Variants in PTPRT observed in about 807,000 individuals in gnomAD.
The protein encoded by PTPRT is protein tyrosine phosphatase receptor type T.
Under a neutral mutation model 176.8 loss-of-function variants are expected in PTPRT, and 56 were observed. That is an observed-to-expected ratio of 0.32 (90% CI 0.26 to 0.40). PTPRT has a LOEUF of 0.40. Among genes scored for constraint, PTPRT ranks in the 10% least tolerant of loss-of-function variants. The pLI is 1.00. For synonymous variants in PTPRT, 783 were observed against 739.0 expected, an observed-to-expected ratio of 1.06 and a Z score of -0.96; for missense variants, 1,540 against 1,908.2, an observed-to-expected ratio of 0.81 and a Z score of 3.60.
chr20:42,199,526 G>GGCAA, intron 15 of PTPRT, 138 bp from the exon 16 acceptor site: 1 of 992,668 alleles, frequency 1.0e-6, no homozygotes, highest in African/African-American at 1.6e-5. Flanking sequence ...AATCAAGGCA[G>GGCAA]AACAAACCAT....
intron 2 of PTPRT, among the ~76,000 whole-genome samples, chr20:42,872,713 G>A (rs1174254328): frequency 6.6e-6 from 1 of 152,198 alleles, no homozygotes; most frequent in African/African-American, 2.4e-5. Flanking sequence ...TATTACAATG[G>A]TCAATAAGGT....
intron 9 of PTPRT, among the ~76,000 whole-genome samples, chr20:42,420,654 A>T (rs901983284): frequency 6.6e-6 from 1 of 152,182 alleles, no homozygotes; most frequent in Non-Finnish European, 1.5e-5. Flanking sequence ...CCACTGATGT[A>T]GTCCTCACAG....
intron 6 of PTPRT, among the ~76,000 whole-genome samples, chr20:42,736,598 A>G (rs1410376974): frequency 6.6e-6 from 1 of 152,222 alleles, no homozygotes; most frequent in Admixed American, 6.5e-5. Context: ...GTCACCTTGG[A>G]TAACAAGGGT....
At chr20:43,004,138 T>C (rs1172782038) in intron 1 of PTPRT, among the ~76,000 whole-genome samples, 1 of 149,580 alleles carries the variant, frequency 6.7e-6, no homozygotes, top group Non-Finnish European at 1.5e-5. Context: ...AAATCTGTAT[T>C]GCAAAAAACG....
intron 6 of PTPRT, among the ~76,000 whole-genome samples, chr20:42,754,053 T>C (rs370018824): frequency 1.7e-3 from 260 of 152,240 alleles, no homozygotes; most frequent in African/African-American, 6.0e-3. Context: ...CTCAATCTGG[T>C]GTGGGAGACC....
chr20:42,391,209 T>G (rs1029690643), intron 9 of PTPRT, among the ~76,000 whole-genome samples: 2 of 152,124 alleles, frequency 1.3e-5, no homozygotes, highest in Non-Finnish European at 2.9e-5. Flanking sequence ...GGCTTGCTTG[T>G]CCAGGTAGGA....
intron 16 of PTPRT, among the ~76,000 whole-genome samples, chr20:42,183,754 C>T (rs985396070): frequency 6.6e-6 from 1 of 152,132 alleles, no homozygotes; most frequent in Non-Finnish European, 1.5e-5. Context: ...TGCTCCTCTA[C>T]TCCCTTAAAT....
chr20:42,796,436 TTAAC>T (rs1227581384), intron 2 of PTPRT, among the ~76,000 whole-genome samples: 1 of 152,184 alleles, frequency 6.6e-6, no homozygotes, highest in African/African-American at 2.4e-5. Flanking sequence ...TCACAGGAAC[TTAAC>T]TAACCCAACC....
chr20:42,089,111 A>AGTGTGTGT (rs112894271), intron 27 of PTPRT, among the ~76,000 whole-genome samples: 48 of 148,604 alleles, frequency 3.2e-4, no homozygotes, highest in African/African-American at 9.6e-4. Context: ...AGTGTGTGTG[A>AGTGTGTGT]GTGTGTGTGT....
At chr20:42,150,188 G>A (rs1434690286) in intron 17 of PTPRT, among the ~76,000 whole-genome samples, 1 of 152,184 alleles carries the variant, frequency 6.6e-6, no homozygotes, top group East Asian at 1.9e-4. Context: ...ATAGTAAGAT[G>A]TCAAAACACA....
intron 7 of PTPRT, among the ~76,000 whole-genome samples, chr20:42,525,455 G>C (rs1172084996): frequency 6.6e-6 from 1 of 152,134 alleles, no homozygotes; most frequent in Non-Finnish European, 1.5e-5. Context: ...TCCTAGGGCA[G>C]GCAGTGCTGT....
chr20:42,102,379 C>A (rs956288215), intron 25 of PTPRT, 82 bp from the exon 26 acceptor site: 2 of 1,434,250 alleles, frequency 1.4e-6, no homozygotes, highest in African/African-American at 1.4e-5. Flanking sequence ...TCCAACTCAG[C>A]CTAACTCGCC....
At chr20:42,877,868 C>T (rs1392450940) in intron 2 of PTPRT, among the ~76,000 whole-genome samples, 3 of 152,070 alleles carry the variant, frequency 2.0e-5, no homozygotes, top group South Asian at 4.1e-4. Context: ...CCAGGGAGTA[C>T]CTAAGCTAAG....
At chr20:42,704,747 A>G (rs1471700026) in intron 6 of PTPRT, among the ~76,000 whole-genome samples, 1 of 152,166 alleles carries the variant, frequency 6.6e-6, no homozygotes, top group Non-Finnish European at 1.5e-5. Context: ...GTAATTATGC[A>G]TAACCCCAGA....
At chr20:42,409,338 C>T (rs910676857) in intron 9 of PTPRT, among the ~76,000 whole-genome samples, 3 of 151,530 alleles carry the variant, frequency 2.0e-5, no homozygotes, top group Admixed American at 6.6e-5. Context: ...AAAAATTAGC[C>T]GGGCATGGTG....
intron 6 of PTPRT, among the ~76,000 whole-genome samples, chr20:42,754,477 C>T (rs928911355): frequency 6.6e-6 from 1 of 152,072 alleles, no homozygotes; most frequent in Non-Finnish European, 1.5e-5. Context: ...CGGGGTTTCA[C>T]CATGTTGGCC....
intron 9 of PTPRT, among the ~76,000 whole-genome samples, chr20:42,354,212 C>A (rs1007890656): frequency 4.9e-4 from 75 of 152,334 alleles, no homozygotes; most frequent in African/African-American, 1.8e-3. Flanking sequence ...TCCTACTTGC[C>A]TACCCCCATC....
chr20:42,762,987 G>A (rs1453807323), intron 5 of PTPRT, among the ~76,000 whole-genome samples: 1 of 152,138 alleles, frequency 6.6e-6, no homozygotes, highest in Non-Finnish European at 1.5e-5. Context: ...CACACTCATT[G>A]GAAGAACAGG....
At chr20:42,922,308 G>A (rs575262475) in intron 1 of PTPRT, among the ~76,000 whole-genome samples, 1 of 152,070 alleles carries the variant, frequency 6.6e-6, no homozygotes, top group Non-Finnish European at 1.5e-5. Flanking sequence ...GAGTGCTTAG[G>A]CTCAGTCCTT....
Sources: allele counts gnomAD v4.1 joint callset (sites outside exome capture counted in the v4.1 genomes callset), GRCh38; gene constraint gnomAD v4.1.1; transcripts MANE v1.5; gene names NCBI Gene and HGNC (gene_info 2026-07-23, HGNC 2026-07-21).